The following MERTK variants were observed in gnomAD, a reference collection of about 807,000 sequenced individuals.
The protein encoded by MERTK is tyrosine-protein kinase Mer.
In MERTK, 69 loss-of-function variants were observed where a neutral mutation model predicts 99.3. The ratio of observed to expected loss-of-function variants is 0.70; its 90% confidence interval spans 0.57 to 0.85. The LOEUF (loss-of-function observed/expected upper bound fraction) is 0.85, where lower values mean the gene tolerates loss of function less well. Ranked by LOEUF, MERTK falls within the 40% of genes least tolerant of loss-of-function variation. MERTK has a pLI of 0.00. For missense variants in MERTK, 1,125 were observed against 1,249.4 expected (o/e 0.90, Z 1.50); for synonymous variants, 426 against 467.6 (o/e 0.91, Z 1.15).
At chr2:112,024,925 G>A (rs1336664999) in intron 18 of MERTK, 1 of 154,304 alleles carries the variant, frequency 6.5e-6, no homozygotes, top group African/African-American at 2.4e-5. Context: ...GCAAGATCCT[G>A]TCTCAAAAAA....
intron 18 of MERTK, among the ~76,000 whole-genome samples, chr2:112,027,504 T>C (rs1403277840): frequency 6.6e-6 from 1 of 152,098 alleles, no homozygotes; most frequent in African/African-American, 2.4e-5. Context: ...TGTCCCTCCA[T>C]TGGAATTCTT....
At chr2:111,921,506 A>G (rs868707467) in intron 1 of MERTK, among the ~76,000 whole-genome samples, 1,527 of 149,446 alleles carry the variant, frequency 0.01, 29 homozygotes, top group African/African-American at 0.035. Flanking sequence ...CGATCTCAAA[A>G]AAAAAAAAAA....
intron 4 of MERTK, among the ~76,000 whole-genome samples, chr2:111,957,169 C>T (rs1015328451): frequency 3.3e-5 from 5 of 151,852 alleles, no homozygotes; most frequent in Non-Finnish European, 7.4e-5. Context: ...CCTCGTGATC[C>T]GCCCGCCTTG....
chr2:111,923,323 G>T (rs1684499835), intron 1 of MERTK, among the ~76,000 whole-genome samples: 1 of 152,228 alleles, frequency 6.6e-6, no homozygotes, highest in African/African-American at 2.4e-5. Flanking sequence ...GAAGAAAGAT[G>T]ATGGAGACAA....
rs1041301857 is a variant in MERTK, at chr2:112,007,362, G to A, written c.1868-1021G>A. Among the ~76,000 whole-genome samples, 11 of 152,204 alleles carry A rather than the reference G, an allele frequency of 7.2e-5. No individual in the cohort carries two copies. The South Asian group carries it at 1.9e-3, about 26-fold the overall frequency. On this transcript the variant is annotated intron_variant, in intron 13 of 18. Coordinates refer to ENST00000295408, the MANE Select transcript of MERTK (RefSeq NM_006343.3). Reference sequence around the variant, plus strand: ...GTAGAGACAGGATTTCACCTTGTTAGCCAGGATGGTCTCGATCTCCTGACC... The same window carrying A: ...GTAGAGACAGGATTTCACCTTGTTAACCAGGATGGTCTCGATCTCCTGACC...
In MERTK at chr2:111,947,441, AAC is replaced by A; in HGVS notation, c.635_636del (p.Thr212SerfsTer13). ...GCCTGAGAGCATGAATGTCACCAGA[AAC>A]ACAGCCTTCAACCTCACCTGTCAGG... Reference protein sequence around the residue: ...KQPESMNVTRNTAFNLTCQAV... With the variant: ...KQPESMNVTRXTAFNLTCQAV... On this transcript the variant is annotated frameshift_variant, in exon 4 of 19. Coordinates refer to ENST00000295408, the MANE Select transcript of MERTK (RefSeq NM_006343.3). LOFTEE classifies it high-confidence loss of function. 1.9e-6 allele frequency: 3 copies of A among 1,614,134 alleles called. No individual in the cohort carries two copies. The highest frequency in any genetic ancestry group is 2.5e-6 in the Non-Finnish European group (3 of 1,180,010).
At chr2:111,966,424 C>T (rs1234994161) in intron 5 of MERTK, among the ~76,000 whole-genome samples, 1 of 152,182 alleles carries the variant, frequency 6.6e-6, no homozygotes, top group Non-Finnish European at 1.5e-5. Context: ...TCCTTCATCA[C>T]AATTCCCATT....
chr2:111,938,546 G>C (rs755318011), intron 2 of MERTK, among the ~76,000 whole-genome samples: 1 of 152,206 alleles, frequency 6.6e-6, no homozygotes, highest in Non-Finnish European at 1.5e-5. Flanking sequence ...TGCTGTGTGT[G>C]TATAAGATGT....
intron 15 of MERTK, among the ~76,000 whole-genome samples, chr2:112,018,424 C>T (rs963309005): frequency 2.0e-5 from 3 of 152,126 alleles, no homozygotes; most frequent in African/African-American, 7.2e-5. Flanking sequence ...AGGCATAAAA[C>T]TTCCATACTT....
intron 1 of MERTK, among the ~76,000 whole-genome samples, chr2:111,901,381 A>G (rs1448956752): frequency 6.6e-6 from 1 of 152,150 alleles, no homozygotes; most frequent in Non-Finnish European, 1.5e-5. Context: ...GTATTCCAGT[A>G]TATTGTAAAC....
chr2:112,005,780 T>C (rs1372346471), intron 13 of MERTK, among the ~76,000 whole-genome samples: 6 of 152,224 alleles, frequency 3.9e-5, no homozygotes, highest in Non-Finnish European at 8.8e-5. Context: ...TAAAGTAAAA[T>C]TGGATTCTTC....
intron 7 of MERTK, among the ~76,000 whole-genome samples, chr2:111,980,907 T>C (rs1471864935): frequency 7.2e-5 from 11 of 152,224 alleles, no homozygotes; most frequent in Admixed American, 7.2e-4. Flanking sequence ...TCTTCTACTG[T>C]TGACTCCTCT....
chr2:111,918,667 G>A (rs1684399640), intron 1 of MERTK, among the ~76,000 whole-genome samples: 1 of 152,224 alleles, frequency 6.6e-6, no homozygotes. Flanking sequence ...AGCATAATCA[G>A]TTCCATATGT....
In MERTK at chr2:111,938,926, T is replaced by C. The variant is rs547523237; in HGVS notation, c.483-6034T>C. On this transcript the variant is annotated intron_variant, in intron 2 of 18. Coordinates refer to ENST00000295408, the MANE Select transcript of MERTK (RefSeq NM_006343.3). ...TCTCCAGCATGGTGTGTTAATCTAA[T>C]AGAATGCTACTCATAGCTGTGGTTA... 1.8e-4 allele frequency among the ~76,000 whole-genome samples: 27 copies of C among 152,206 alleles called. 1 individual carries two copies. Among genetic ancestry groups the C allele is most frequent in the African/African-American group, 6.5e-4 (27 of 41,450 alleles).
At chr2:111,918,016 GT>G (rs1309135166) in intron 1 of MERTK, among the ~76,000 whole-genome samples, 1 of 151,870 alleles carries the variant, frequency 6.6e-6, no homozygotes, top group African/African-American at 2.4e-5. Context: ...TTTTCATCCT[GT>G]AAAACTGAAA....
At chr2:112,011,293 C>T (rs777276567) in intron 15 of MERTK, among the ~76,000 whole-genome samples, 8 of 152,150 alleles carry the variant, frequency 5.3e-5, no homozygotes, top group Admixed American at 2.6e-4. Flanking sequence ...GCTCTGCAGA[C>T]AAAACACAGG....
At chr2:112,001,485 A>C (rs1372946785) in intron 11 of MERTK, among the ~76,000 whole-genome samples, 199 bp downstream of exon 11, 1 of 152,226 alleles carries the variant, frequency 6.6e-6, no homozygotes, top group Non-Finnish European at 1.5e-5. Flanking sequence ...TACTGCAATC[A>C]GGAGCTTGAC....
chr2:112,015,703 A>G (rs1677203845), intron 15 of MERTK: 1 of 152,658 alleles, frequency 6.6e-6, no homozygotes, highest in Non-Finnish European at 1.5e-5. Context: ...TTTTTTTTTA[A>G]TGAGTCATGC....
In MERTK at chr2:112,029,430, C is replaced by A; in HGVS notation, c.*566C>A. On this transcript the variant is annotated 3_prime_UTR_variant, in exon 19 of 19. Transcript: ENST00000295408. ...GTCGGCAGCGGCCTTGTGGCCTTTG[C>A]AAAGGAATTCCCTTAATGCCTGGTC... is the stretch of plus-strand genomic sequence containing the variant. The A allele has an allele frequency of 1.4e-6, 1 of 735,578 alleles. No homozygotes were observed. Among genetic ancestry groups the A allele is most frequent in the Non-Finnish European group, 1.7e-6 (1 of 601,754 alleles). 45.6% of individuals were successfully genotyped at this position (735,578 alleles called of 1,614,324 possible).
Sources: allele counts gnomAD v4.1 joint callset (sites outside exome capture counted in the v4.1 genomes callset), GRCh38; gene constraint gnomAD v4.1.1; transcripts MANE v1.5; gene names NCBI Gene and HGNC (gene_info 2026-07-23, HGNC 2026-07-21).